MBTPS2: variants seen among roughly 807,000 people sequenced by gnomAD.
The protein encoded by MBTPS2 is membrane bound transcription factor peptidase, site 2.
Under a neutral mutation model 35.4 loss-of-function variants are expected in MBTPS2, and 2 were observed. The ratio of observed to expected loss-of-function variants is 0.06; its 90% CI spans 0.02 to 0.18. The LOEUF (loss-of-function observed/expected upper bound fraction) is 0.18. MBTPS2 is among the 10% of genes least tolerant of loss of function. The pLI, the probability that MBTPS2 is intolerant of heterozygous loss-of-function variation, is 1.00. For synonymous variants in MBTPS2, 125 were observed against 140.4 expected, an observed-to-expected ratio of 0.89 and a Z score of 0.77; for missense variants, 244 against 386.5, an observed-to-expected ratio of 0.63 and a Z score of 3.09.
At chrX:21,860,529 G>A (rs2092930163) in intron 5 of MBTPS2, among the ~76,000 whole-genome samples, 1 of 112,366 alleles carries the variant, frequency 8.9e-6, no homozygotes, top group African/African-American at 3.2e-5. Flanking sequence ...AATCATTAAT[G>A]GGCAAGAGGT....
At chrX:21,872,792 C>T (rs757139545) in intron 7 of MBTPS2, 24 of 107,938 alleles carry the variant, frequency 2.2e-4, no homozygotes, top group Non-Finnish European at 4.4e-4. Flanking sequence ...CCCACTACAT[C>T]ACTTGACTAG....
At chrX:21,841,590 A>C (rs1327089716) in intron 1 of MBTPS2, among the ~76,000 whole-genome samples, 1 of 112,320 alleles carries the variant, frequency 8.9e-6, no homozygotes, top group Non-Finnish European at 1.9e-5. Flanking sequence ...GCTTGAGGCC[A>C]GGAGTTCCAG....
intron 3 of MBTPS2, among the ~76,000 whole-genome samples, chrX:21,849,842 G>A (rs1294064260): frequency 3.4e-5 from 3 of 87,790 alleles, no homozygotes; most frequent in Non-Finnish European, 4.3e-5. Context: ...GTGAAACCCC[G>A]TCTCTACTAA....
At chrX:21,880,464 G>A (rs2092958195) in intron 9 of MBTPS2, among the ~76,000 whole-genome samples, 1 of 110,789 alleles carries the variant, frequency 9.0e-6, no homozygotes, top group African/African-American at 3.3e-5. Flanking sequence ...GTTTTAAAAT[G>A]TTTTGAACAA....
At chrX:21,856,922 C>T (rs571331916) in intron 5 of MBTPS2, 20 of 1,211,917 alleles carry the variant, frequency 1.7e-5, no homozygotes, top group African/African-American at 6.9e-5. Flanking sequence ...AAAAGCCCAG[C>T]GGCAAGAGTG....
chrX:21,851,509 G>A lies in MBTPS2; in HGVS notation c.439G>A (p.Val147Ile), dbSNP rs767083102. The change falls in exon 4 of 11, where the codon GTT becomes ATT. Residue 147 changes from valine (V) to isoleucine (I), a missense_variant and splice_region_variant. Physicochemically the swap from Val to Ile is conservative, Grantham distance 29 (BLOSUM62 3). Coordinates refer to ENST00000379484, the MANE Select transcript of MBTPS2 (RefSeq NM_015884.4). ...LHNEQVLQVV[V>I]PGINLPVNQL... Reference sequence around the variant, plus strand: ...GCTGCCATATTGTGTCTATGAACAGGTTCCTGGTATAAATTTACCCGTCAA... The same window carrying A: ...GCTGCCATATTGTGTCTATGAACAGATTCCTGGTATAAATTTACCCGTCAA... 2.3e-5 allele frequency: 27 copies of A among 1,184,856 alleles called. No homozygotes were observed. Among genetic ancestry groups the A allele is most frequent in the Non-Finnish European group, 3.1e-5 (27 of 871,603 alleles).
rs181653600 is a variant in MBTPS2, at chrX:21,882,830, G to A, written c.*175G>A. On this transcript the variant is annotated 3_prime_UTR_variant, in exon 11 of 11. Transcript: ENST00000379484. ...AGAGTACCCAAACTCTGTGGTAGAA[G>A]ATAAGCAGAAGAAATGAAAGGCATA... 7.5e-3 allele frequency: 8,310 copies of A among 1,105,275 alleles called. 27 individuals are homozygous for A. The highest frequency in any genetic ancestry group is 0.016 in the Middle Eastern group (46 of 2,809). 91.1% of individuals were successfully genotyped at this position (1,105,275 alleles called of 1,213,427 possible). A position where few individuals can be genotyped will look rare whatever the true frequency, so the allele number is the denominator to read the frequency against.
chrX:21,856,524 G>C (rs2092922761), intron 5 of MBTPS2: 1 of 1,211,173 alleles, frequency 8.3e-7, no homozygotes. Context: ...ACAAGACCTG[G>C]AGATCCCGGC....
At chrX:21,863,278 A>T (rs1490263142) in intron 5 of MBTPS2, among the ~76,000 whole-genome samples, 2 of 107,003 alleles carry the variant, frequency 1.9e-5, no homozygotes, top group Admixed American at 1.0e-4. Context: ...AAAAAAAAAA[A>T]AAATTAAATT....
In MBTPS2 at chrX:21,853,495, T is replaced by C; in HGVS notation, c.662T>C (p.Phe221Ser). 8.3e-7 allele frequency: 1 copy of C among 1,209,794 alleles called. No individual in the cohort carries two copies. The highest frequency in any genetic ancestry group is 3.0e-5 in the East Asian group (1 of 33,717). The part of the protein sequence containing the change: ...LISPVQQLRI[F>S]CAGIWHNFVL... The stretch of plus-strand genomic sequence containing the variant: ...TCGCCAGTCCAGCAGCTAAGGATAT[T>C]TTGTGCAGGTAACAGACTTAATTTT... Residue 221 changes from phenylalanine to serine, a missense_variant, in exon 5 of 11, where the codon TTT becomes TCT. Physicochemically the swap from Phe to Ser is radical, Grantham distance 155 (BLOSUM62 -2). Coordinates refer to ENST00000379484, the MANE Select transcript of MBTPS2 (RefSeq NM_015884.4).
At chrX:21,846,545 C>T (rs922475758) in intron 3 of MBTPS2, among the ~76,000 whole-genome samples, 1 of 111,314 alleles carries the variant, frequency 9.0e-6, no homozygotes, top group Middle Eastern at 4.6e-3. Flanking sequence ...TAATTTTGTA[C>T]TTTTAGTAGA....
chrX:21,884,637 A>C lies in MBTPS2; in HGVS notation c.*1982A>C. 1 of 753,183 alleles carries C rather than the reference A, an allele frequency of 1.3e-6. No individual in the cohort carries two copies. Among genetic ancestry groups the C allele is most frequent in the Non-Finnish European group, 1.6e-6 (1 of 638,362 alleles). 62.1% of individuals were successfully genotyped at this position (753,183 alleles called of 1,213,427 possible). ...TTGTATAAAACCGGCCTCATTATGT[A>C]AGAAAGAAAATGTTACGTGTTTTCT... On this transcript the variant is annotated 3_prime_UTR_variant, in exon 11 of 11. Coordinates refer to ENST00000379484, the MANE Select transcript of MBTPS2 (RefSeq NM_015884.4).
In MBTPS2 at chrX:21,880,781, G is replaced by A. The variant is rs2092958505; in HGVS notation, c.1262-116G>A. The A allele has an allele frequency of 2.3e-5, 12 of 521,277 alleles. No individual in the cohort carries two copies. The South Asian group carries it at 2.8e-4, about 12-fold the overall frequency. 43.0% of individuals were successfully genotyped at this position (521,277 alleles called of 1,213,427 possible). A position where few individuals can be genotyped will look rare whatever the true frequency, so the allele number is the denominator to read the frequency against. On this transcript the variant is annotated intron_variant, in intron 9 of 10. Transcript: ENST00000379484. ...ATATGGCCTGCATATGTTTAGGAAG[G>A]GCTTTCTCAATCAGTTTAATCTGCT...
At chrX:21,862,933 C>CATATATAAACATATATATAT in intron 5 of MBTPS2, among the ~76,000 whole-genome samples, 1 of 27,685 alleles carries the variant, frequency 3.6e-5, no homozygotes, top group South Asian at 2.8e-3. Flanking sequence ...TATATATAAA[C>CATATATAAACATATATATAT]ATATATATAT....
chrX:21,858,888 C>CA lies in MBTPS2; in HGVS notation c.670+5403dup, dbSNP rs5901684. Reference sequence around the variant, plus strand: ...TAGGTGACAGAGTAAGACCTTGTGTCAAAAAAAAAAAAAAAAAAGAGAAAA... The same window carrying CA: ...TAGGTGACAGAGTAAGACCTTGTGTCAAAAAAAAAAAAAAAAAAAGAGAAAA... On this transcript the variant is annotated intron_variant, in intron 5 of 10. Coordinates refer to ENST00000379484, the MANE Select transcript of MBTPS2 (RefSeq NM_015884.4). Among the ~76,000 whole-genome samples the CA allele has an allele frequency of 3.8e-3, 238 of 61,885 alleles. 2 individuals carry two copies. In the South Asian group the frequency reaches 0.04, roughly 11 times the overall value. The allele number at this position is 61,885 out of a possible 115,157, so 53.7% of individuals were successfully genotyped here. A position where few individuals can be genotyped will look rare whatever the true frequency, so the allele number is the denominator to read the frequency against.
At chrX:21,881,960 A>G (rs1659942299) in intron 10 of MBTPS2, among the ~76,000 whole-genome samples, 1 of 111,994 alleles carries the variant, frequency 8.9e-6, no homozygotes, top group African/African-American at 3.2e-5. Context: ...AAAAGATTGT[A>G]CTTTATAGAC....
At chrX:21,859,847 C>T (rs6528060) in intron 5 of MBTPS2, among the ~76,000 whole-genome samples, 21,186 of 110,702 alleles carry the variant, frequency 0.19, 1,765 homozygotes, top group East Asian at 0.34. Flanking sequence ...AATGTCAACA[C>T]TTTGGAAGGC....
chrX:21,866,796 G>T (rs1425952933), intron 5 of MBTPS2, among the ~76,000 whole-genome samples: 1 of 110,589 alleles, frequency 9.0e-6, no homozygotes, highest in Non-Finnish European at 1.9e-5. Flanking sequence ...GGAGGCCGAG[G>T]TGGGCGGATC....
intron 5 of MBTPS2, among the ~76,000 whole-genome samples, chrX:21,855,261 CAG>C (rs1300101445): frequency 9.0e-6 from 1 of 110,737 alleles, no homozygotes; most frequent in Non-Finnish European, 1.9e-5. Context: ...CAATTGATAA[CAG>C]AGAAAATAAA....
Sources: gnomAD v4.1 joint callset for allele counts (sites outside exome capture counted in the v4.1 genomes callset) on GRCh38, gnomAD v4.1.1 for gene constraint, MANE v1.5 for transcripts, NCBI Gene and HGNC (gene_info 2026-07-23, HGNC 2026-07-21) for gene names.